DNAH7: variants seen among roughly 807,000 people sequenced by gnomAD.
DNAH7 encodes dynein axonemal heavy chain 7.
In DNAH7, 397 loss-of-function variants were observed where a neutral mutation model predicts 444.6. That is an observed-to-expected ratio of 0.89 (90% CI 0.82 to 0.97). The LOEUF (loss-of-function observed/expected upper bound fraction) is 0.97. DNAH7 is among the 50% of genes least tolerant of loss of function. The probability of loss-of-function intolerance (pLI) is 0.00; values close to 1 mark genes in which losing one functional copy is unlikely to be tolerated. For synonymous variants in DNAH7, 1,636 were observed against 1,624.4 expected (o/e 1.01, Z -0.17); for missense variants, 4,902 against 4,800.8 (o/e 1.02, Z -0.62).
chr2:195,907,000 A>G lies in DNAH7; in HGVS notation c.4114T>C (p.Ser1372Pro), dbSNP rs771584948. The change falls in exon 26 of 65, where the codon TCT becomes CCT. Residue 1372 changes from serine to proline, a missense_variant. Transcript: ENST00000312428. ...ALGKFFKGLL[S>P]CGAWACFDEF... ...TCAAAGCAAGCCCAGGCTCCACAAG[A>G]TAACAGTCCCTATGAGAAAAGAGTA... 1.3e-5 allele frequency: 21 copies of G among 1,612,008 alleles called. No individual in the cohort carries two copies. The Admixed American group carries it at 1.7e-4, about 13-fold the overall frequency.
chr2:195,948,680 T>G (rs1215173962), intron 19 of DNAH7, among the ~76,000 whole-genome samples: 5 of 152,230 alleles, frequency 3.3e-5, no homozygotes, highest in Non-Finnish European at 7.3e-5. Context: ...CACCATGCTG[T>G]TTCGGTTACT....
At chr2:195,794,296 T>C (rs1481418591) in intron 57 of DNAH7, 42 bp downstream of exon 57, 37 of 1,600,188 alleles carry the variant, frequency 2.3e-5, no homozygotes, top group Non-Finnish European at 3.1e-5. Flanking sequence ...CCACTTGAAG[T>C]GCTTTACAGG....
At chr2:195,982,570 G>A (rs964144283) in intron 15 of DNAH7, among the ~76,000 whole-genome samples, 1 of 152,174 alleles carries the variant, frequency 6.6e-6, no homozygotes, top group Non-Finnish European at 1.5e-5. Flanking sequence ...CCAAGATTGG[G>A]AAGCAATGTA....
At chr2:195,889,298 C>T (rs1352386460) in intron 31 of DNAH7, among the ~76,000 whole-genome samples, 1 of 143,738 alleles carries the variant, frequency 7.0e-6, no homozygotes, top group East Asian at 2.4e-4. Context: ...TTCCATCCAT[C>T]CTTCCTTTCT....
At chr2:195,913,607 G>C (rs1687487873) in intron 24 of DNAH7, among the ~76,000 whole-genome samples, 1 of 152,196 alleles carries the variant, frequency 6.6e-6, no homozygotes, top group Non-Finnish European at 1.5e-5. Context: ...GTCAGTCAAA[G>C]AATACAGAGC....
intron 59 of DNAH7, among the ~76,000 whole-genome samples, chr2:195,777,385 T>C (rs770494693): frequency 7.9e-5 from 12 of 152,224 alleles, no homozygotes; most frequent in African/African-American, 1.7e-4. Context: ...AAAATAATAA[T>C]ACCAATGTTA....
At position 195,754,647 on chromosome 2, in the gene DNAH7, A is replaced by G. The variant is rs574266166; in HGVS notation, c.11587-133T>C. ...CACCTCAGCCTCCCAAGTAGCTGGG[A>G]ATACAGGCACATACCACCATGCCTG... On this transcript the variant is annotated intron_variant, in intron 62 of 64. Coordinates refer to ENST00000312428, the MANE Select transcript of DNAH7 (RefSeq NM_018897.3). 8 of 817,430 alleles carry G rather than the reference A, an allele frequency of 9.8e-6. No individual in the cohort carries two copies. The African/African-American group carries it at 1.4e-4, about 14-fold the overall frequency. The allele number at this position is 817,430 out of a possible 1,614,324, so 50.6% of individuals were successfully genotyped here. A position where few individuals can be genotyped will look rare whatever the true frequency, so the allele number is the denominator to read the frequency against.
intron 61 of DNAH7, among the ~76,000 whole-genome samples, chr2:195,763,271 C>G (rs1694430754): frequency 6.6e-6 from 1 of 151,766 alleles, no homozygotes; most frequent in Admixed American, 6.6e-5. Context: ...GTTTAAGTGC[C>G]TACATCAAAA....
intron 63 of DNAH7, among the ~76,000 whole-genome samples, chr2:195,748,859 G>A (rs1192858575): frequency 8.5e-5 from 13 of 152,064 alleles, no homozygotes; most frequent in East Asian, 3.8e-4. Flanking sequence ...AGACTTAAAC[G>A]TTAGACCTAA....
chr2:195,834,027 C>T lies in DNAH7; in HGVS notation c.9100+179G>A, dbSNP rs547089996. On this transcript the variant is annotated intron_variant, in intron 48 of 64. Coordinates refer to ENST00000312428, the MANE Select transcript of DNAH7 (RefSeq NM_018897.3). Reference sequence around the variant, plus strand: ...TTTGAGACCAGCCTAGGCAACATGGCGAAACCTCATCTCTACAAAAAATAC... The same window carrying T: ...TTTGAGACCAGCCTAGGCAACATGGTGAAACCTCATCTCTACAAAAAATAC... Among the ~76,000 whole-genome samples the T allele has an allele frequency of 1.1e-4, 16 of 152,168 alleles. No homozygotes were observed. In the South Asian group the frequency reaches 2.3e-3, roughly 22 times the overall value.
intron 47 of DNAH7, among the ~76,000 whole-genome samples, chr2:195,844,544 C>T (rs1213829854): frequency 6.6e-6 from 1 of 152,152 alleles, no homozygotes; most frequent in Non-Finnish European, 1.5e-5. Flanking sequence ...GGTATAATGG[C>T]TACTATTCCC....
rs554979792 is a variant in DNAH7, at chr2:195,794,622, A to G, written c.10516-84T>C. 1.5e-4 allele frequency: 187 copies of G among 1,264,074 alleles called. 1 individual carries two copies. The South Asian group carries it at 2.3e-3, about 16-fold the overall frequency. 78.3% of individuals were successfully genotyped at this position (1,264,074 alleles called of 1,614,324 possible). ...GCATACATATGAAGGATGAGTTGGA[A>G]GGGGGAGGAAGTATTTTTACAAAGT... On this transcript the variant is annotated intron_variant, in intron 56 of 64. Transcript: ENST00000312428.
At chr2:195,918,974 G>C (rs1192263045) in intron 24 of DNAH7, among the ~76,000 whole-genome samples, 1 of 152,156 alleles carries the variant, frequency 6.6e-6, no homozygotes, top group East Asian at 1.9e-4. Context: ...TTTTGGGCCA[G>C]GCGCAGTGGT....
chr2:195,774,652 G>A (rs553216175), intron 60 of DNAH7, among the ~76,000 whole-genome samples: 8 of 152,326 alleles, frequency 5.3e-5, no homozygotes, highest in South Asian at 2.1e-4. Flanking sequence ...TGGGCAAACT[G>A]CTTAATCTTT....
At chr2:195,879,396 T>C (rs1701245010) in intron 36 of DNAH7, among the ~76,000 whole-genome samples, 1 of 152,184 alleles carries the variant, frequency 6.6e-6, no homozygotes, top group Non-Finnish European at 1.5e-5. Flanking sequence ...AGATAAAATG[T>C]ACAAATCAGA....
chr2:195,771,621 T>C, intron 61 of DNAH7, 39 bp downstream of exon 61: 1 of 1,450,620 alleles, frequency 6.9e-7, no homozygotes, highest in Non-Finnish European at 9.7e-7. Flanking sequence ...ATGCTATATA[T>C]AATTTAATGG....
intron 44 of DNAH7, 126 bp from the exon 45 acceptor site, chr2:195,856,117 C>G (rs563733530): frequency 1.2e-6 from 1 of 812,816 alleles, no homozygotes; most frequent in Non-Finnish European, 1.8e-6. Flanking sequence ...AAATCTAAAC[C>G]GATTTCCATA....
chr2:195,904,499 T>C (rs1281397354), intron 27 of DNAH7: 1 of 152,156 alleles, frequency 6.6e-6, no homozygotes, highest in Non-Finnish European at 1.5e-5. Context: ...TTGTAGATTG[T>C]ACTAAGAAAT....
At chr2:195,912,404 C>T (rs140835773) in intron 24 of DNAH7, among the ~76,000 whole-genome samples, 4 of 152,286 alleles carry the variant, frequency 2.6e-5, no homozygotes, top group African/African-American at 9.6e-5. Flanking sequence ...GATGTGTTCC[C>T]ACTGCTGGCA....
Sources: gnomAD v4.1 joint callset for allele counts (sites outside exome capture counted in the v4.1 genomes callset) on GRCh38, gnomAD v4.1.1 for gene constraint, MANE v1.5 for transcripts, NCBI Gene and HGNC (gene_info 2026-07-23, HGNC 2026-07-21) for gene names.